The following NEK10 variants were observed in gnomAD, a reference collection of about 807,000 sequenced individuals.
The protein encoded by NEK10 is serine/threonine-protein kinase Nek10.
Under a neutral mutation model 159.8 loss-of-function variants are expected in NEK10, and 122 were observed. The observed-to-expected ratio is 0.76, with a 90% CI of 0.66 to 0.89. The LOEUF is 0.89. Among genes scored for constraint, NEK10 ranks in the 40% least tolerant of loss-of-function variants. NEK10 has a pLI of 0.00. For synonymous variants in NEK10, 466 were observed against 457.1 expected, an observed-to-expected ratio of 1.02 and a Z score of -0.25; for missense variants, 1,342 against 1,323.1, an observed-to-expected ratio of 1.01 and a Z score of -0.22.
At chr3:27,206,686 G>C in intron 23 of NEK10, 1 of 942,796 alleles carries the variant, frequency 1.1e-6, no homozygotes, top group Non-Finnish European at 1.3e-6. Context: ...AGAGATGAAG[G>C]CTCTGTTACA....
At chr3:27,313,980 A>G (rs1477366912) in intron 7 of NEK10, among the ~76,000 whole-genome samples, 1 of 152,132 alleles carries the variant, frequency 6.6e-6, no homozygotes, top group Non-Finnish European at 1.5e-5. Context: ...CCAAAGTGCG[A>G]GGATTACAGG....
intron 22 of NEK10, among the ~76,000 whole-genome samples, chr3:27,266,450 C>T (rs574902609): frequency 8.5e-5 from 13 of 152,266 alleles, no homozygotes; most frequent in African/African-American, 2.4e-4. Context: ...TTCCTCTCTC[C>T]GAGCACCAGA....
Position 27,192,128 on chromosome 3 carries a change from T to C in NEK10, c.2406A>G (p.Glu802=). The change falls in exon 26 of 36, where the codon GAA becomes GAG. Residue 802 remains glutamate, a synonymous_variant. Coordinates refer to ENST00000691995, the MANE Select transcript of NEK10 (RefSeq NM_001394966.1). ...GTCTTCGTTCCCGTTCTAGCTTCTT[T>C]TCCAAGGACAACTGGGATGTAGATA... The part of the protein sequence containing the change: ...DNLSTSQLSL[E]KKLERERRRT... 1 of 1,614,212 alleles carries C rather than the reference T, an allele frequency of 6.2e-7. No homozygotes were observed. Among genetic ancestry groups the C allele is most frequent in the Non-Finnish European group, 8.5e-7 (1 of 1,180,030 alleles).
intron 23 of NEK10, among the ~76,000 whole-genome samples, chr3:27,238,814 T>C (rs1463074932): frequency 6.7e-6 from 1 of 150,264 alleles, no homozygotes; most frequent in African/African-American, 2.4e-5. Context: ...AAAGCACAGA[T>C]TTATGGAAAT....
Position 27,342,662 on chromosome 3 carries a change from T to C in NEK10, c.362+1610A>G, listed in dbSNP as rs143705551. On this transcript the variant is annotated intron_variant, in intron 5 of 35. Transcript: ENST00000691995. ...ACCCTGAAAAGAGATCTCTCGACTTTAGAATTGTTGAGATCTTTTTCAACT... is the reference window on the plus strand; with the variant it reads ...ACCCTGAAAAGAGATCTCTCGACTTCAGAATTGTTGAGATCTTTTTCAACT... Among the ~76,000 whole-genome samples the C allele has an allele frequency of 9.8e-5, 15 of 152,318 alleles. 1 individual carries two copies. The highest frequency in any genetic ancestry group is 5.9e-5 in the Non-Finnish European group (4 of 68,016).
intron 23 of NEK10, among the ~76,000 whole-genome samples, chr3:27,207,003 T>A (rs1466696479): frequency 1.3e-5 from 2 of 152,176 alleles, no homozygotes; most frequent in South Asian, 4.1e-4. Context: ...TCAAACCTAG[T>A]CACTTCAAGC....
intron 5 of NEK10, among the ~76,000 whole-genome samples, chr3:27,338,524 A>G (rs528103944): frequency 4.5e-4 from 69 of 152,330 alleles, no homozygotes; most frequent in African/African-American, 1.5e-3. Flanking sequence ...GTCTTCCACA[A>G]TGGTTGAACT....
chr3:27,234,828 CA>C (rs1263951167), intron 23 of NEK10, among the ~76,000 whole-genome samples: 7 of 152,066 alleles, frequency 4.6e-5, no homozygotes, highest in African/African-American at 1.7e-4. Context: ...GCAAAAAGAA[CA>C]AAGCTGCAGG....
chr3:27,174,627 T>C (rs1184523623), intron 27 of NEK10, 23 bp downstream of exon 27: 9 of 1,602,508 alleles, frequency 5.6e-6, no homozygotes, highest in Middle Eastern at 1.7e-4. Flanking sequence ...GTACCTACGT[T>C]GACACACTGC....
intron 15 of NEK10, among the ~76,000 whole-genome samples, chr3:27,295,043 A>T (rs1236330665): frequency 1.3e-5 from 2 of 151,922 alleles, no homozygotes; most frequent in Non-Finnish European, 2.9e-5. Flanking sequence ...GAACCTGGCT[A>T]ACTGTTCCCC....
chr3:27,119,804 T>C lies in NEK10; in HGVS notation c.3146A>G (p.His1049Arg), dbSNP rs767237081. 38 of 1,613,976 alleles carry C rather than the reference T, an allele frequency of 2.4e-5. 1 individual carries two copies. The Middle Eastern group carries it at 5.0e-4, about 21-fold the overall frequency. ...CAGGCTGTTTCCACCGGATGAACGA[T>C]GTAATAAATGGTAATCTGCTGTGAA... ...NFFTADYHLL[H>R]RSSGGNSLSP... Residue 1049 changes from histidine to arginine, a missense_variant, in exon 33 of 36, where the codon CAT becomes CGT. Transcript: ENST00000691995.
intron 5 of NEK10, among the ~76,000 whole-genome samples, chr3:27,336,236 C>T (rs1363866589): frequency 1.3e-5 from 2 of 151,952 alleles, no homozygotes; most frequent in Non-Finnish European, 2.9e-5. Flanking sequence ...TGCTAACAAA[C>T]TGAAAAACCT....
At chr3:27,279,281 C>A (rs2041982613) in intron 22 of NEK10, among the ~76,000 whole-genome samples, 1 of 152,168 alleles carries the variant, frequency 6.6e-6, no homozygotes, top group Non-Finnish European at 1.5e-5. Flanking sequence ...TCTTAAACAT[C>A]ATTTGGCAAT....
chr3:27,299,419 T>C (rs1020621731), intron 13 of NEK10, among the ~76,000 whole-genome samples: 1 of 152,216 alleles, frequency 6.6e-6, no homozygotes, highest in East Asian at 1.9e-4. Context: ...AATGCCTGGA[T>C]GCCCAGGCAG....
intron 32 of NEK10, among the ~76,000 whole-genome samples, chr3:27,120,448 G>A (rs902099623): frequency 4.6e-5 from 7 of 150,538 alleles, no homozygotes; most frequent in African/African-American, 1.5e-4. Context: ...TCAGCCTCCC[G>A]AGTAGCTGGG....
intron 30 of NEK10, chr3:27,143,376 C>A: frequency 1.5e-6 from 1 of 664,864 alleles, no homozygotes; most frequent in Non-Finnish European, 2.7e-6. Context: ...TAAAATCTCA[C>A]AACATGGCAA....
intron 11 of NEK10, among the ~76,000 whole-genome samples, chr3:27,305,525 A>AAAAAAC (rs1283060668): frequency 2.0e-5 from 3 of 151,956 alleles, no homozygotes; most frequent in Non-Finnish European, 2.9e-5. Context: ...GACTCTGTTT[A>AAAAAAC]AAAAACAAAA....
intron 33 of NEK10, 152 bp from the exon 34 acceptor site, chr3:27,116,279 C>T (rs973062125): frequency 1.4e-6 from 1 of 696,102 alleles, no homozygotes. Flanking sequence ...TCTGCCTTGG[C>T]TTTGAATATT....
At chr3:27,204,651 A>C (rs1175465792) in intron 23 of NEK10, among the ~76,000 whole-genome samples, 7 of 115,754 alleles carry the variant, frequency 6.0e-5, no homozygotes, top group African/African-American at 2.1e-4. Context: ...ATCATTTTTT[A>C]TGGCTGCATA....
Sources: gnomAD v4.1 joint callset for allele counts (sites outside exome capture counted in the v4.1 genomes callset) on GRCh38, gnomAD v4.1.1 for gene constraint, MANE v1.5 for transcripts, NCBI Gene and HGNC (gene_info 2026-07-23, HGNC 2026-07-21) for gene names.